RBFOX1: variants seen among roughly 807,000 people sequenced by gnomAD.
The protein encoded by RBFOX1 is RNA binding fox-1 homolog 1.
Under a neutral mutation model 57.7 loss-of-function variants are expected in RBFOX1, and 8 were observed. That is an observed-to-expected ratio of 0.14 (90% CI 0.08 to 0.25). RBFOX1 has a LOEUF of 0.25. RBFOX1 is among the 10% of genes least tolerant of loss of function. RBFOX1 has a pLI of 1.00. For missense variants in RBFOX1, 611 were observed against 548.5 expected, an observed-to-expected ratio of 1.11 and a Z score of -1.14; for synonymous variants, 326 against 222.4, an observed-to-expected ratio of 1.47 and a Z score of -4.15.
chr16:5,672,396 G>T (rs930405749), intron 3 of RBFOX1, among the ~76,000 whole-genome samples: 1 of 152,092 alleles, frequency 6.6e-6, no homozygotes, highest in Non-Finnish European at 1.5e-5. Flanking sequence ...CACCTCTTCA[G>T]TGCCCTCCTG....
chr16:6,197,650 T>G (rs1298743966), intron 1 of RBFOX1, among the ~76,000 whole-genome samples: 2 of 152,050 alleles, frequency 1.3e-5, no homozygotes, highest in East Asian at 3.8e-4. Context: ...TTTTTTTAAT[T>G]TTTATTTAAG....
intron 1 of RBFOX1, among the ~76,000 whole-genome samples, chr16:6,121,968 T>C (rs1023988827): frequency 1.3e-5 from 2 of 152,176 alleles, no homozygotes; most frequent in South Asian, 2.1e-4. Flanking sequence ...TGCAGTGGCA[T>C]GATCTCTGCT....
At chr16:7,412,603 T>C (rs181485482) in intron 4 of RBFOX1, among the ~76,000 whole-genome samples, 162 of 152,336 alleles carry the variant, frequency 1.1e-3, no homozygotes, top group African/African-American at 3.6e-3. Flanking sequence ...TTCGTGTTTA[T>C]AGCGTTTCTC....
chr16:6,941,853 C>G (rs895507333), intron 3 of RBFOX1, among the ~76,000 whole-genome samples: 2 of 152,070 alleles, frequency 1.3e-5, no homozygotes, highest in Admixed American at 6.6e-5. Context: ...TCTTTCCCAT[C>G]TGGAGTGCAG....
intron 2 of RBFOX1, among the ~76,000 whole-genome samples, chr16:6,575,062 A>C (rs1246227468): frequency 1.5e-5 from 2 of 137,690 alleles, no homozygotes; most frequent in African/African-American, 2.6e-5. Context: ...AAAAAAAAAA[A>C]CAGCATCCAG....
intron 4 of RBFOX1, among the ~76,000 whole-genome samples, chr16:7,334,191 G>T (rs970222441): frequency 1.3e-5 from 2 of 152,024 alleles, no homozygotes; most frequent in Non-Finnish European, 2.9e-5. Flanking sequence ...GTCATCTGGG[G>T]GTGATTCCAA....
rs796977292 is a variant in RBFOX1 at position 6,500,886 on chromosome 16, T to TGTTTG, written c.-63-153717_-63-153716insGTTTG. Among the ~76,000 whole-genome samples the TGTTTG allele has an allele frequency of 6.9e-4, 100 of 145,544 alleles. 1 individual carries two copies. Among genetic ancestry groups the TGTTTG allele is most frequent in the Middle Eastern group, 3.6e-3 (1 of 280 alleles). ...AGCCCTTGGGGAGTAGTTTTTTTTTTTTTTTTTTTTTTTTTAATGCTGAGA... is the reference window on the plus strand; with the variant it reads ...AGCCCTTGGGGAGTAGTTTTTTTTTTGTTTGTTTTTTTTTTTTTTTAATGCTGAGA... On this transcript the variant is annotated intron_variant, in intron 2 of 15. Coordinates refer to ENST00000550418, the MANE Select transcript of RBFOX1 (RefSeq NM_018723.4).
At chr16:5,887,973 C>T (rs1042882809) in intron 4 of RBFOX1, among the ~76,000 whole-genome samples, 8 of 152,178 alleles carry the variant, frequency 5.3e-5, no homozygotes, top group East Asian at 1.9e-4. Context: ...TTCTACAAGA[C>T]GAGCAAGGTC....
At chr16:7,005,398 A>G (rs985527816) in intron 3 of RBFOX1, among the ~76,000 whole-genome samples, 6 of 152,180 alleles carry the variant, frequency 3.9e-5, no homozygotes, top group Admixed American at 6.5e-5. Context: ...ACATCCCAAT[A>G]CAGTCAGTAT....
chr16:7,352,984 G>C (rs916335349), intron 4 of RBFOX1, among the ~76,000 whole-genome samples: 4 of 152,070 alleles, frequency 2.6e-5, no homozygotes, highest in Non-Finnish European at 5.9e-5. Flanking sequence ...CCAAAGTGCT[G>C]AGACTGCAAG....
At chr16:7,218,628 C>G (rs2092448824) in intron 4 of RBFOX1, among the ~76,000 whole-genome samples, 1 of 127,490 alleles carries the variant, frequency 7.8e-6, no homozygotes, top group Non-Finnish European at 1.6e-5. Context: ...TGGGGGTTTG[C>G]TGTGTGTGTG....
chr16:7,031,851 G>A (rs2042883455), intron 3 of RBFOX1, among the ~76,000 whole-genome samples: 1 of 152,122 alleles, frequency 6.6e-6, no homozygotes, highest in East Asian at 1.9e-4. Context: ...TGGCCTGCTG[G>A]ACACACAGGG....
intron 10 of RBFOX1, among the ~76,000 whole-genome samples, chr16:7,621,873 T>G (rs1372165879): frequency 1.3e-5 from 2 of 152,324 alleles, no homozygotes; most frequent in East Asian, 3.9e-4. Context: ...AAGGTCTCTG[T>G]GCAATTACTC....
chr16:6,182,433 A>G (rs139814486), intron 1 of RBFOX1, among the ~76,000 whole-genome samples: 115 of 152,288 alleles, frequency 7.6e-4, no homozygotes, highest in African/African-American at 2.6e-3. Flanking sequence ...TTCTTTACAG[A>G]TGTACGTTTA....
At chr16:6,637,340 A>AAT (rs1216221918) in intron 2 of RBFOX1, among the ~76,000 whole-genome samples, 1 of 86,226 alleles carries the variant, frequency 1.2e-5, no homozygotes, top group African/African-American at 6.1e-5. Context: ...ATAATATACA[A>AAT]ATATATATTA....
intron 4 of RBFOX1, among the ~76,000 whole-genome samples, chr16:7,324,543 G>A (rs1031339467): frequency 6.6e-6 from 1 of 152,172 alleles, no homozygotes; most frequent in Admixed American, 6.5e-5. Flanking sequence ...TCAGAGGTCG[G>A]TTCCTGAGGC....
intron 4 of RBFOX1, among the ~76,000 whole-genome samples, chr16:7,203,252 C>T (rs1485253250): frequency 1.3e-5 from 2 of 152,140 alleles, no homozygotes; most frequent in African/African-American, 4.8e-5. Context: ...CACAAATGAG[C>T]CCTGAGGACA....
chr16:6,601,097 T>C (rs926226799), intron 2 of RBFOX1, among the ~76,000 whole-genome samples: 1 of 152,218 alleles, frequency 6.6e-6, no homozygotes, highest in Admixed American at 6.5e-5. Flanking sequence ...AGCAACAGCT[T>C]AGGGATTTAA....
chr16:6,482,043 G>A (rs535108515), intron 2 of RBFOX1, among the ~76,000 whole-genome samples: 34 of 152,228 alleles, frequency 2.2e-4, no homozygotes, highest in African/African-American at 8.2e-4. Context: ...AAGTTGTAAC[G>A]AATGTGAAAA....
Sources: allele counts gnomAD v4.1 joint callset (sites outside exome capture counted in the v4.1 genomes callset), GRCh38; gene constraint gnomAD v4.1.1; transcripts MANE v1.5; gene names NCBI Gene and HGNC (gene_info 2026-07-23, HGNC 2026-07-21).